BICD1: variants seen among roughly 807,000 people sequenced by gnomAD.
BICD1 encodes protein bicaudal D homolog 1.
In BICD1, 35 loss-of-function variants were observed where a neutral mutation model predicts 92.5. That is an observed-to-expected ratio of 0.38 (90% CI 0.29 to 0.50). BICD1 has a LOEUF of 0.50. Ranked by LOEUF, BICD1 falls within the 20% of genes least tolerant of loss-of-function variation. The pLI is 0.93. For missense variants in BICD1, 950 were observed against 1,189.8 expected (o/e 0.80, Z 2.97); for synonymous variants, 429 against 465.1 (o/e 0.92, Z 1.00).
chr12:32,302,339 C>T (rs11051915), intron 3 of BICD1, among the ~76,000 whole-genome samples: 1 of 152,032 alleles, frequency 6.6e-6, no homozygotes, highest in Non-Finnish European at 1.5e-5. Context: ...TATGGGCACC[C>T]CTTGTGATCT....
chr12:32,275,103 T>C (rs770323663), intron 2 of BICD1, among the ~76,000 whole-genome samples: 1 of 152,184 alleles, frequency 6.6e-6, no homozygotes, highest in Admixed American at 6.5e-5. Flanking sequence ...ATATATGATA[T>C]ATACACACAC....
At chr12:32,236,467 C>T (rs1946076237) in intron 2 of BICD1, among the ~76,000 whole-genome samples, 1 of 152,074 alleles carries the variant, frequency 6.6e-6, no homozygotes, top group Admixed American at 6.6e-5. Flanking sequence ...GTGCTCCACC[C>T]ACCAGCTATT....
chr12:32,127,789 T>C (rs1305071009), intron 1 of BICD1, among the ~76,000 whole-genome samples: 1 of 152,196 alleles, frequency 6.6e-6, no homozygotes, highest in Non-Finnish European at 1.5e-5. Flanking sequence ...GAGGGTCTAG[T>C]TGTGGTTGTC....
Position 32,328,699 on chromosome 12 carries a change from T to A in BICD1, c.2100+144T>A, listed in dbSNP as rs1937675200. ...TAAATAAAACTGTCCCAGTGCCAGA[T>A]CAGAATGTCATAATAATTATTGTTT... On this transcript the variant is annotated intron_variant, in intron 5 of 9. Transcript: ENST00000652176. The surrounding 1 kb of genome is among the most constrained non-coding windows in gnomAD (Gnocchi z 4.4). 3 of 1,157,102 alleles carry A rather than the reference T, an allele frequency of 2.6e-6. No individual in the cohort carries two copies. In the Middle Eastern group the frequency reaches 8.9e-4, roughly 345 times the overall value. 71.7% of individuals were successfully genotyped at this position (1,157,102 alleles called of 1,614,324 possible).
chr12:32,318,581 G>A (rs1948567696), intron 4 of BICD1, among the ~76,000 whole-genome samples: 1 of 152,174 alleles, frequency 6.6e-6, no homozygotes, highest in African/African-American at 2.4e-5. Flanking sequence ...CCTGCCGGGT[G>A]CGGTGGCTCA....
intron 1 of BICD1, among the ~76,000 whole-genome samples, chr12:32,196,900 A>G (rs1944742467): frequency 6.6e-6 from 1 of 152,162 alleles, no homozygotes; most frequent in Non-Finnish European, 1.5e-5. Flanking sequence ...AATATGTACA[A>G]CTTTTCTTTG....
At chr12:32,225,621 G>GTTTTTTTTTTTTTGT (rs1945659419) in intron 2 of BICD1, among the ~76,000 whole-genome samples, 1 of 92,776 alleles carries the variant, frequency 1.1e-5, no homozygotes, top group Admixed American at 1.4e-4. Context: ...CTTTTTTTCT[G>GTTTTTTTTTTTTTGT]TTTTTTTTTT....
chr12:32,350,241 G>A (rs1938806057), intron 8 of BICD1, among the ~76,000 whole-genome samples: 1 of 152,162 alleles, frequency 6.6e-6, no homozygotes, highest in Admixed American at 6.5e-5. Flanking sequence ...CCCGCACTTT[G>A]GGAGGCCGAG....
At chr12:32,245,442 C>G (rs1373195045) in intron 2 of BICD1, among the ~76,000 whole-genome samples, 2 of 151,952 alleles carry the variant, frequency 1.3e-5, no homozygotes, top group Non-Finnish European at 2.9e-5. Flanking sequence ...AGCTGTTTGC[C>G]CAGGACTAAG....
chr12:32,195,695 A>G (rs1007118790), intron 1 of BICD1, among the ~76,000 whole-genome samples: 1 of 152,228 alleles, frequency 6.6e-6, no homozygotes, highest in Non-Finnish European at 1.5e-5. Flanking sequence ...AACATCAGCA[A>G]AAAGCTCAAC....
chr12:32,197,004 T>C (rs4931618), intron 1 of BICD1, among the ~76,000 whole-genome samples: 50,194 of 151,940 alleles, frequency 0.33, 8,793 homozygotes, highest in Admixed American at 0.48. Context: ...CAAAGCATCC[T>C]TTCCTTTTCA....
chr12:32,171,988 C>CACACAT (rs1555141634), intron 1 of BICD1, among the ~76,000 whole-genome samples: 10 of 132,536 alleles, frequency 7.5e-5, no homozygotes, highest in African/African-American at 2.6e-4. Context: ...CACACACACA[C>CACACAT]ACTAAAACTG....
chr12:32,130,427 G>A (rs541735107), intron 1 of BICD1, among the ~76,000 whole-genome samples: 2 of 152,238 alleles, frequency 1.3e-5, no homozygotes, highest in African/African-American at 2.4e-5. Flanking sequence ...TCCTGACCTC[G>A]TGATCTGCCT....
intron 1 of BICD1, among the ~76,000 whole-genome samples, chr12:32,210,886 T>C (rs1310925310): frequency 1.3e-5 from 2 of 152,212 alleles, no homozygotes; most frequent in Admixed American, 6.5e-5. Flanking sequence ...TGAAAAACAT[T>C]GTTTCCTTTC....
chr12:32,139,725 A>G (rs938609533), intron 1 of BICD1, among the ~76,000 whole-genome samples: 1 of 152,028 alleles, frequency 6.6e-6, no homozygotes, highest in Non-Finnish European at 1.5e-5. Flanking sequence ...CACCACGCCC[A>G]GCTGATTTTT....
chr12:32,360,090 C>T (rs1353475535), intron 8 of BICD1, among the ~76,000 whole-genome samples: 1 of 151,786 alleles, frequency 6.6e-6, no homozygotes, highest in Non-Finnish European at 1.5e-5. Context: ...GAGGCTGAGG[C>T]AGGAGAATGG....
At chr12:32,300,202 C>T (rs895441858) in intron 3 of BICD1, among the ~76,000 whole-genome samples, 5 of 151,806 alleles carry the variant, frequency 3.3e-5, no homozygotes, top group Admixed American at 6.6e-5. Flanking sequence ...CCCGGGTTCA[C>T]GCCATTCTCC....
chr12:32,189,846 G>A (rs914591538), intron 1 of BICD1, among the ~76,000 whole-genome samples: 3 of 151,780 alleles, frequency 2.0e-5, no homozygotes, highest in Admixed American at 6.6e-5. Flanking sequence ...CTACAGGCAC[G>A]CACCACCATG....
At chr12:32,238,708 G>T (rs1241170951) in intron 2 of BICD1, among the ~76,000 whole-genome samples, 1 of 152,052 alleles carries the variant, frequency 6.6e-6, no homozygotes, top group Non-Finnish European at 1.5e-5. Flanking sequence ...ACTTTGGGAG[G>T]CCAAGGTGGG....
Sources: allele counts gnomAD v4.1 joint callset (sites outside exome capture counted in the v4.1 genomes callset), GRCh38; gene constraint gnomAD v4.1.1; non-coding constraint Gnocchi (gnomAD v3.1); transcripts MANE v1.5; gene names NCBI Gene and HGNC (gene_info 2026-07-23, HGNC 2026-07-21).